The following PPP2CB variants were observed in gnomAD, a reference collection of about 807,000 sequenced individuals.
The protein encoded by PPP2CB is serine/threonine-protein phosphatase 2A catalytic subunit beta isoform.
PPP2CB carries 18 observed loss-of-function variants against 39.1 expected under a neutral mutation model. The observed-to-expected ratio is 0.46, with a 90% confidence interval of 0.32 to 0.68. The LOEUF (loss-of-function observed/expected upper bound fraction) is 0.68. PPP2CB is among the 30% of genes least tolerant of loss of function. PPP2CB has a pLI of 0.04. For synonymous variants in PPP2CB, 129 were observed against 133.8 expected (o/e 0.96, Z 0.25); for missense variants, 226 against 396.9 (o/e 0.57, Z 3.66).
rs1343606471 is a variant in PPP2CB, at chr8:30,786,281, C to T, written c.884G>A (p.Arg295His). The change falls in exon 7 of 7, where the codon CGT becomes CAT. Residue 295 changes from arginine (R) to histidine (H), a missense_variant. Around this residue, in one of 4 missense-constraint regions of PPP2CB, gnomAD observed 56 missense variants for 92.0 expected, o/e 0.61. Coordinates refer to ENST00000221138, the MANE Select transcript of PPP2CB (RefSeq NM_001009552.2). ...SFLQFDPAPR[R>H]GEPHVTRRTP... ...GCGCCGTGTAACATGAGGCTCACCA[C>T]GACGAGGCGCTGGGTCAAATTGAAG... is the stretch of plus-strand genomic sequence containing the variant. 7 of 1,578,700 alleles carry T rather than the reference C, an allele frequency of 4.4e-6. No homozygotes were observed. Among genetic ancestry groups the T allele is most frequent in the South Asian group, 1.2e-5 (1 of 85,990 alleles).
At chr8:30,798,395 T>C (rs973201544) in intron 2 of PPP2CB, among the ~76,000 whole-genome samples, 1 of 152,230 alleles carries the variant, frequency 6.6e-6, no homozygotes, top group Non-Finnish European at 1.5e-5. Flanking sequence ...CTTCAATTCA[T>C]ACATATTTTA....
chr8:30,797,701 T>C lies in PPP2CB; in HGVS notation c.366A>G (p.Gln122=), dbSNP rs1180468476. 2 of 1,614,138 alleles carry C rather than the reference T, an allele frequency of 1.2e-6. No individual in the cohort carries two copies. The highest frequency in any genetic ancestry group is 2.2e-5 in the East Asian group (1 of 44,874). Residue 122 remains glutamine, a synonymous_variant, in exon 3 of 7, where the codon CAA becomes CAG. Coordinates refer to ENST00000221138, the MANE Select transcript of PPP2CB (RefSeq NM_001009552.2). ...CATAAAAGCCATATACTTGGGTAAT[T>C]TGTCGGCTTTCGTGATTTCCTCTCA... ...TILRGNHESR[Q]ITQVYGFYDE... is the part of the protein sequence containing the mutation.
intron 1 of PPP2CB, chr8:30,810,078 G>A (rs1391797334): frequency 6.6e-6 from 1 of 152,226 alleles, no homozygotes; most frequent in African/African-American, 2.4e-5. Flanking sequence ...GCTTCCTCAA[G>A]TGATCGTTGA....
intron 6 of PPP2CB, 186 bp from the exon 7 acceptor site, chr8:30,786,493 G>C (rs1806344050): frequency 2.4e-6 from 1 of 422,502 alleles, no homozygotes; most frequent in African/African-American, 2.0e-5. Context: ...TGCTTCATAG[G>C]GCTATGGTGA....
intron 1 of PPP2CB, among the ~76,000 whole-genome samples, chr8:30,800,884 G>A (rs1418538547): frequency 2.6e-5 from 4 of 152,164 alleles, no homozygotes; most frequent in Admixed American, 6.5e-5. Context: ...AAACCGAGAG[G>A]AAGAAACAAC....
chr8:30,811,626 G>T (rs977650075), intron 1 of PPP2CB, among the ~76,000 whole-genome samples: 1 of 150,982 alleles, frequency 6.6e-6, no homozygotes, highest in Non-Finnish European at 1.5e-5. Flanking sequence ...CTCCCGAATA[G>T]CTGGGATTAC....
chr8:30,812,609 G>A lies in PPP2CB; in HGVS notation c.-188C>T, dbSNP rs1806862001. On this transcript the variant is annotated 5_prime_UTR_variant, in exon 1 of 7. Transcript: ENST00000221138. ...CCCGCGCCCCGCCCAAGCCCAGCAG[G>A]CGGCTCCGAGCGCGCAGCCTGGAGG... is the stretch of plus-strand genomic sequence containing the variant. 3 of 342,286 alleles carry A rather than the reference G, an allele frequency of 8.8e-6. No individual in the cohort carries two copies. Among genetic ancestry groups the A allele is most frequent in the Non-Finnish European group, 1.5e-5 (3 of 193,982 alleles). 21.2% of individuals were successfully genotyped at this position (342,286 alleles called of 1,614,324 possible).
chr8:30,794,675 G>A (rs1001420655), intron 3 of PPP2CB, among the ~76,000 whole-genome samples: 18 of 151,874 alleles, frequency 1.2e-4, no homozygotes, highest in African/African-American at 2.2e-4. Context: ...TGATCACTGC[G>A]CAATGCAGCC....
chr8:30,795,863 A>C (rs1337479557), intron 3 of PPP2CB, among the ~76,000 whole-genome samples: 3 of 152,208 alleles, frequency 2.0e-5, no homozygotes, highest in Non-Finnish European at 4.4e-5. Context: ...GCATAGTTAT[A>C]ATTATGCCTT....
intron 1 of PPP2CB, among the ~76,000 whole-genome samples, chr8:30,811,456 CA>C: frequency 6.6e-6 from 1 of 152,016 alleles, no homozygotes. Flanking sequence ...AGTTGGCCAT[CA>C]CGCCTACCTC....
chr8:30,809,702 A>G (rs1244878036), intron 1 of PPP2CB, among the ~76,000 whole-genome samples: 1 of 152,202 alleles, frequency 6.6e-6, no homozygotes, highest in East Asian at 1.9e-4. Context: ...GCACTTTGGG[A>G]GGCCAAGGCG....
intron 2 of PPP2CB, among the ~76,000 whole-genome samples, chr8:30,798,277 T>C (rs1563215806): frequency 6.6e-6 from 1 of 152,214 alleles, no homozygotes; most frequent in Non-Finnish European, 1.5e-5. Flanking sequence ...ATTAATAGTT[T>C]CCTTTCTATT....
At chr8:30,791,843 T>C (rs1324292016) in intron 5 of PPP2CB, among the ~76,000 whole-genome samples, 1 of 151,166 alleles carries the variant, frequency 6.6e-6, no homozygotes, top group African/African-American at 2.4e-5. Context: ...TATATACATA[T>C]GTATATATAC....
At chr8:30,789,602 A>G (rs984157519) in intron 6 of PPP2CB, among the ~76,000 whole-genome samples, 3 of 152,210 alleles carry the variant, frequency 2.0e-5, no homozygotes, top group Admixed American at 6.5e-5. Context: ...GGGCATGCAC[A>G]TATTCTGCCA....
chr8:30,788,059 CT>C (rs1252758087), intron 6 of PPP2CB, among the ~76,000 whole-genome samples: 1 of 152,022 alleles, frequency 6.6e-6, no homozygotes, highest in Non-Finnish European at 1.5e-5. Flanking sequence ...GTCTTTACTC[CT>C]TTTTTTCTTG....
Position 30,812,480 on chromosome 8 carries a change from C to G in PPP2CB, c.-59G>C. 7.8e-7 allele frequency: 1 copy of G among 1,281,818 alleles called. No individual in the cohort carries two copies. The highest frequency in any genetic ancestry group is 1.0e-6 in the Non-Finnish European group (1 of 960,914). The allele number at this position is 1,281,818 out of a possible 1,614,324, so 79.4% of individuals were successfully genotyped here. ...AGCCCGGCCGCCGCCCTCCCCCCTC[C>G]CCACCCGCCCCCGGCCCCGGCCCGG... On this transcript the variant is annotated 5_prime_UTR_variant, in exon 1 of 7. Coordinates refer to ENST00000221138, the MANE Select transcript of PPP2CB (RefSeq NM_001009552.2).
chr8:30,811,072 G>C (rs1477715395), intron 1 of PPP2CB, among the ~76,000 whole-genome samples: 6 of 152,228 alleles, frequency 3.9e-5, no homozygotes, highest in East Asian at 3.9e-4. Context: ...ACCTTGTAAA[G>C]GATGAATGTG....
At chr8:30,800,899 T>C (rs999812397) in intron 1 of PPP2CB, among the ~76,000 whole-genome samples, 1 of 152,064 alleles carries the variant, frequency 6.6e-6, no homozygotes, top group African/African-American at 2.4e-5. Flanking sequence ...AACAACCGGA[T>C]GGCTAGCATA....
At chr8:30,811,210 G>A (rs1016968298) in intron 1 of PPP2CB, among the ~76,000 whole-genome samples, 1 of 152,116 alleles carries the variant, frequency 6.6e-6, no homozygotes, top group Non-Finnish European at 1.5e-5. Context: ...TCACCCGCAT[G>A]TTTTATTATT....
Sources: allele counts gnomAD v4.1 joint callset (sites outside exome capture counted in the v4.1 genomes callset), GRCh38; gene constraint gnomAD v4.1.1; regional missense constraint gnomAD v4.1.1; transcripts MANE v1.5; gene names NCBI Gene and HGNC (gene_info 2026-07-23, HGNC 2026-07-21).